Variants in UNC5C observed in about 807,000 individuals in gnomAD.
UNC5C encodes the protein netrin receptor UNC5C.
UNC5C carries 47 observed loss-of-function variants against 99.8 expected under a neutral mutation model. The observed-to-expected ratio is 0.47, with a 90% confidence interval of 0.37 to 0.60. The LOEUF (loss-of-function observed/expected upper bound fraction) is 0.60. Ranked by LOEUF, UNC5C falls within the 20% of genes least tolerant of loss-of-function variation. UNC5C has a pLI of 0.00. For missense variants in UNC5C, 1,062 were observed against 1,165.9 expected (o/e 0.91, Z 1.30); for synonymous variants, 487 against 452.2 (o/e 1.08, Z -0.98).
intron 1 of UNC5C, among the ~76,000 whole-genome samples, chr4:95,465,371 A>G (rs1747740759): frequency 6.6e-6 from 1 of 152,200 alleles, no homozygotes; most frequent in Non-Finnish European, 1.5e-5. Context: ...GAAGTGGAAA[A>G]TTATCCAAAT....
chr4:95,351,086 A>G (rs1386604772), intron 1 of UNC5C, among the ~76,000 whole-genome samples: 2 of 151,986 alleles, frequency 1.3e-5, no homozygotes, highest in Non-Finnish European at 2.9e-5. Context: ...CATCCCCACC[A>G]TTTCTCATAA....
intron 12 of UNC5C, among the ~76,000 whole-genome samples, chr4:95,194,928 G>A (rs1737317577): frequency 6.6e-6 from 1 of 152,110 alleles, no homozygotes; most frequent in African/African-American, 2.4e-5. Flanking sequence ...TAGACCCAGG[G>A]CCAGATTTCA....
At chr4:95,428,693 C>A (rs545537720) in intron 1 of UNC5C, among the ~76,000 whole-genome samples, 11 of 152,174 alleles carry the variant, frequency 7.2e-5, no homozygotes, top group African/African-American at 2.6e-4. Context: ...TTTAAGAATA[C>A]CAAGAAACAA....
chr4:95,479,052 T>G (rs573982787), intron 1 of UNC5C, among the ~76,000 whole-genome samples: 35 of 152,028 alleles, frequency 2.3e-4, no homozygotes, highest in African/African-American at 8.4e-4. Flanking sequence ...ATGTACGATC[T>G]CCAGAACCAT....
intron 12 of UNC5C, among the ~76,000 whole-genome samples, chr4:95,200,956 T>A (rs1737631027): frequency 6.6e-6 from 1 of 151,912 alleles, no homozygotes; most frequent in Non-Finnish European, 1.5e-5. Context: ...ATAAAGGTGG[T>A]GCCCTTAGGA....
chr4:95,201,254 T>C (rs1167017316), intron 12 of UNC5C, among the ~76,000 whole-genome samples: 2 of 152,128 alleles, frequency 1.3e-5, no homozygotes, highest in Non-Finnish European at 2.9e-5. Flanking sequence ...TTTGCTTCTA[T>C]GACTCAGAGG....
chr4:95,221,198 G>A lies in UNC5C; in HGVS notation c.1109-1022C>T, dbSNP rs1400603417. Among the ~76,000 whole-genome samples, 3 of 152,290 alleles carry A rather than the reference G, an allele frequency of 2.0e-5. No individual in the cohort carries two copies. In the East Asian group the frequency reaches 5.8e-4, roughly 29 times the overall value. On this transcript the variant is annotated intron_variant, in intron 7 of 15. Coordinates refer to ENST00000453304, the MANE Select transcript of UNC5C (RefSeq NM_003728.4). ...TGACATTTTTAAGTCTCTGTTTTTAGTATTCTGTGATGCACAAAAACATGT... is the reference window on the plus strand; with the variant it reads ...TGACATTTTTAAGTCTCTGTTTTTAATATTCTGTGATGCACAAAAACATGT...
intron 12 of UNC5C, among the ~76,000 whole-genome samples, chr4:95,186,114 GTCT>G (rs1303536131): frequency 6.6e-6 from 1 of 152,178 alleles, no homozygotes; most frequent in South Asian, 2.1e-4. Context: ...ACTATCTTGG[GTCT>G]CCTCTGCTGT....
chr4:95,433,050 T>C (rs1246491082), intron 1 of UNC5C, among the ~76,000 whole-genome samples: 1 of 152,086 alleles, frequency 6.6e-6, no homozygotes, highest in East Asian at 1.9e-4. Flanking sequence ...AGTAGAATCT[T>C]CTGCTGAGAA....
intron 1 of UNC5C, among the ~76,000 whole-genome samples, chr4:95,356,107 T>G (rs1190494979): frequency 6.7e-6 from 1 of 149,860 alleles, no homozygotes; most frequent in Non-Finnish European, 1.5e-5. Flanking sequence ...GGAGGATCAT[T>G]TGAGCCCAGG....
chr4:95,198,774 AG>A (rs1737534922), intron 12 of UNC5C, among the ~76,000 whole-genome samples: 1 of 152,126 alleles, frequency 6.6e-6, no homozygotes, highest in Non-Finnish European at 1.5e-5. Context: ...AGGCATTGTG[AG>A]GTGTTACCAG....
chr4:95,410,779 TG>T (rs1394622414), intron 1 of UNC5C, among the ~76,000 whole-genome samples: 1 of 152,128 alleles, frequency 6.6e-6, no homozygotes, highest in Admixed American at 6.5e-5. Context: ...CATTCAAATG[TG>T]GATCCTACCC....
At chr4:95,384,615 T>C (rs1745160871) in intron 1 of UNC5C, among the ~76,000 whole-genome samples, 1 of 152,100 alleles carries the variant, frequency 6.6e-6, no homozygotes, top group African/African-American at 2.4e-5. Flanking sequence ...ATCAAGAAGC[T>C]TGAATGACAT....
chr4:95,219,544 CATT>C (rs1432771003), intron 8 of UNC5C, among the ~76,000 whole-genome samples: 1 of 152,190 alleles, frequency 6.6e-6, no homozygotes, highest in Non-Finnish European at 1.5e-5. Context: ...GATGTCTACT[CATT>C]ATGCCCAAGG....
intron 1 of UNC5C, among the ~76,000 whole-genome samples, chr4:95,436,823 T>C (rs1165302114): frequency 6.6e-6 from 1 of 151,894 alleles, no homozygotes; most frequent in African/African-American, 2.4e-5. Flanking sequence ...TATTATAATC[T>C]TAGAAATAAT....
intron 7 of UNC5C, among the ~76,000 whole-genome samples, chr4:95,228,124 G>A (rs1738763100): frequency 6.6e-6 from 1 of 152,124 alleles, no homozygotes. Flanking sequence ...CAGTAACTGA[G>A]CAACAATATA....
rs202203217 is a variant in UNC5C, at chr4:95,248,212, A to AT, written c.775+2274dup. On this transcript the variant is annotated intron_variant, in intron 5 of 15. Transcript: ENST00000453304. ...AATATTTTACTTCCACTCTTTTAGG[A>AT]TTTTTTTTTTGGCTGGGCCTAAGAA... is the stretch of plus-strand genomic sequence containing the variant. The AT allele has an allele frequency of 4.2e-3, 961 of 231,200 alleles. 3 individuals carry two copies. The highest frequency in any genetic ancestry group is 0.031 in the East Asian group (215 of 6,994). 14.3% of individuals were successfully genotyped at this position (231,200 alleles called of 1,614,324 possible). A position where few individuals can be genotyped will look rare whatever the true frequency, so the allele number is the denominator to read the frequency against.
At chr4:95,514,816 G>T (rs553920001) in intron 1 of UNC5C, among the ~76,000 whole-genome samples, 124 of 151,924 alleles carry the variant, frequency 8.2e-4, no homozygotes, top group African/African-American at 2.8e-3. Flanking sequence ...GGGATTATAG[G>T]TGGGTGCCAC....
chr4:95,276,686 T>C (rs531938980), intron 4 of UNC5C, among the ~76,000 whole-genome samples: 8 of 152,300 alleles, frequency 5.3e-5, no homozygotes, highest in Non-Finnish European at 8.8e-5. Flanking sequence ...AAATGAAATA[T>C]TGAATAGAGA....
Sources: allele counts gnomAD v4.1 joint callset (sites outside exome capture counted in the v4.1 genomes callset), GRCh38; gene constraint gnomAD v4.1.1; transcripts MANE v1.5; gene names NCBI Gene and HGNC (gene_info 2026-07-23, HGNC 2026-07-21).